The following CTNNA2 variants were observed in gnomAD, a reference collection of about 807,000 sequenced individuals.
The protein encoded by CTNNA2 is catenin alpha-2.
A neutral mutation model predicts 101.0 loss-of-function variants in CTNNA2; 42 were observed. The observed-to-expected ratio is 0.42, with a 90% confidence interval of 0.32 to 0.54. The LOEUF (loss-of-function observed/expected upper bound fraction) is 0.54, where lower values mean the gene tolerates loss of function less well. Among genes scored for constraint, CTNNA2 ranks in the 20% least tolerant of loss-of-function variants. The pLI, the probability that CTNNA2 is intolerant of heterozygous loss-of-function variation, is 0.14. For missense variants in CTNNA2, 871 were observed against 1,223.1 expected (o/e 0.71, Z 4.29); for synonymous variants, 450 against 456.4 (o/e 0.99, Z 0.18).
intron 2 of CTNNA2, among the ~76,000 whole-genome samples, chr2:79,286,201 T>G (rs1193595917): frequency 2.6e-5 from 4 of 152,208 alleles, no homozygotes; most frequent in African/African-American, 9.7e-5. Context: ...GTCTTGACTC[T>G]TTATCCAATT....
chr2:79,488,014 A>G (rs1218461278), intron 4 of CTNNA2, among the ~76,000 whole-genome samples: 1 of 152,206 alleles, frequency 6.6e-6, no homozygotes, highest in African/African-American at 2.4e-5. Context: ...CTAGTTCTTC[A>G]TTTTTAAAGT....
chr2:79,272,685 TAAAC>T (rs1442473996), intron 2 of CTNNA2, among the ~76,000 whole-genome samples: 11 of 152,130 alleles, frequency 7.2e-5, no homozygotes, highest in African/African-American at 2.7e-4. Context: ...TTTGTTTTAT[TAAAC>T]AAAGTGTTTA....
chr2:80,589,770 T>G lies in CTNNA2; in HGVS notation c.2189+285T>G, dbSNP rs1696275292. Among the ~76,000 whole-genome samples the G allele has an allele frequency of 2.6e-5, 4 of 152,298 alleles. No individual in the cohort carries two copies. In the South Asian group the frequency reaches 8.3e-4, roughly 32 times the overall value. ...ACCCCGAGGGACGGGTGACTCATCT[T>G]TGGTCTGTGCTATTTTGCAATATGC... On this transcript the variant is annotated intron_variant, in intron 15 of 18. Transcript: ENST00000402739.
intron 4 of CTNNA2, among the ~76,000 whole-genome samples, chr2:79,450,557 T>G (rs182352476): frequency 1.4e-4 from 21 of 152,218 alleles, no homozygotes; most frequent in Admixed American, 1.2e-3. Context: ...ATGCTTTTTG[T>G]TTGAATCAAG....
chr2:79,422,606 A>G (rs1558663327), intron 4 of CTNNA2, among the ~76,000 whole-genome samples: 2 of 152,208 alleles, frequency 1.3e-5, no homozygotes, highest in Non-Finnish European at 2.9e-5. Context: ...TCAAATAAAA[A>G]CAAAAGGGGG....
At chr2:79,745,256 C>A (rs1389338410) in intron 3 of CTNNA2, among the ~76,000 whole-genome samples, 2 of 152,034 alleles carry the variant, frequency 1.3e-5, no homozygotes, top group African/African-American at 4.8e-5. Context: ...CACGGTGAAA[C>A]CCTGTCTCTA....
intron 7 of CTNNA2, among the ~76,000 whole-genome samples, chr2:80,007,364 A>T (rs536923123): frequency 6.6e-6 from 1 of 152,208 alleles, no homozygotes; most frequent in Admixed American, 6.5e-5. Context: ...ACTTGAAGAT[A>T]TTATAAATAT....
chr2:80,438,480 G>A (rs1289717353), intron 9 of CTNNA2, among the ~76,000 whole-genome samples: 1 of 151,484 alleles, frequency 6.6e-6, no homozygotes, highest in Non-Finnish European at 1.5e-5. Flanking sequence ...ACTTTCATTT[G>A]TTTTGAAGGC....
At chr2:79,612,019 T>A (rs1678310340) in intron 1 of CTNNA2, among the ~76,000 whole-genome samples, 1 of 152,252 alleles carries the variant, frequency 6.6e-6, no homozygotes, top group South Asian at 2.1e-4. Context: ...CAGAATCTGC[T>A]AAGTTTTCAC....
rs969110230 is a variant in CTNNA2 at position 80,009,356 on chromosome 2, C to T, written c.1056+99559C>T. 2.6e-5 allele frequency among the ~76,000 whole-genome samples: 4 copies of T among 152,286 alleles called. No homozygotes were observed. The East Asian group carries it at 7.7e-4, about 29-fold the overall frequency. On this transcript the variant is annotated intron_variant, in intron 7 of 18. Transcript: ENST00000402739. ...GCATAGCTTTCCAAATGCCATTTCT[C>T]TTCTGAAGCCAATATATTTTTTACA...
intron 3 of CTNNA2, among the ~76,000 whole-genome samples, chr2:79,366,469 G>C (rs1449376660): frequency 6.6e-6 from 1 of 152,120 alleles, no homozygotes; most frequent in Non-Finnish European, 1.5e-5. Flanking sequence ...TTCCCTGCCA[G>C]GGCACAGTGA....
intron 8 of CTNNA2, among the ~76,000 whole-genome samples, chr2:80,413,780 T>C (rs1341000466): frequency 1.3e-5 from 2 of 152,214 alleles, no homozygotes; most frequent in Admixed American, 6.5e-5. Context: ...TCAGTAATCA[T>C]GTAGAGCCTG....
chr2:79,601,766 A>G (rs1260100347), intron 1 of CTNNA2, among the ~76,000 whole-genome samples: 1 of 152,248 alleles, frequency 6.6e-6, no homozygotes, highest in African/African-American at 2.4e-5. Flanking sequence ...AATGACTACT[A>G]TGCGTATCAC....
At chr2:79,923,537 A>G (rs1686816950) in intron 7 of CTNNA2, among the ~76,000 whole-genome samples, 1 of 152,198 alleles carries the variant, frequency 6.6e-6, no homozygotes, top group Admixed American at 6.5e-5. Context: ...GATTACATCA[A>G]ACTAATTAAC....
intron 7 of CTNNA2, among the ~76,000 whole-genome samples, chr2:80,189,526 A>C (rs955151995): frequency 6.6e-6 from 1 of 152,246 alleles, no homozygotes; most frequent in Non-Finnish European, 1.5e-5. Flanking sequence ...TGCCCTCCAC[A>C]GGACAGTAGC....
intron 6 of CTNNA2, among the ~76,000 whole-genome samples, chr2:79,880,394 A>G (rs1283695941): frequency 2.0e-5 from 3 of 152,140 alleles, no homozygotes; most frequent in Non-Finnish European, 2.9e-5. Context: ...AAGGAAGGGT[A>G]CCATCTTCTC....
At chr2:79,775,215 T>A (rs1456636185) in intron 3 of CTNNA2, among the ~76,000 whole-genome samples, 2 of 152,212 alleles carry the variant, frequency 1.3e-5, no homozygotes, top group Non-Finnish European at 2.9e-5. Flanking sequence ...TATTCTATTT[T>A]AAAAATTCTG....
In CTNNA2 at chr2:79,654,770, G is replaced by A. The variant is rs548816643; in HGVS notation, c.102+3112G>A. 5.3e-5 allele frequency among the ~76,000 whole-genome samples: 8 copies of A among 152,012 alleles called. No homozygotes were observed. The South Asian group carries it at 1.7e-3, about 31-fold the overall frequency. ...TATTTTTCATTCAGTCATGACTCTT[G>A]TTAGTTCTATAAAAATTTCTGCAAG... On this transcript the variant is annotated intron_variant, in intron 2 of 18. Transcript: ENST00000402739.
intron 2 of CTNNA2, among the ~76,000 whole-genome samples, chr2:79,691,236 G>C (rs1187279657): frequency 1.3e-5 from 2 of 152,042 alleles, no homozygotes; most frequent in Non-Finnish European, 2.9e-5. Context: ...GCATTATCTA[G>C]AATGTGATAA....
Sources: gnomAD v4.1 joint callset for allele counts (sites outside exome capture counted in the v4.1 genomes callset) on GRCh38, gnomAD v4.1.1 for gene constraint, MANE v1.5 for transcripts, NCBI Gene and HGNC (gene_info 2026-07-23, HGNC 2026-07-21) for gene names.